KCNMA1: variants seen among roughly 807,000 people sequenced by gnomAD.
KCNMA1 encodes Calcium-activated potassium channel subunit alpha-1.
Under a neutral mutation model 140.0 loss-of-function variants are expected in KCNMA1, and 29 were observed. The observed-to-expected ratio is 0.21, with a 90% CI of 0.15 to 0.28. The LOEUF (loss-of-function observed/expected upper bound fraction) is 0.28. Among genes scored for constraint, KCNMA1 ranks in the 10% least tolerant of loss-of-function variants. The pLI is 1.00. For synonymous variants in KCNMA1, 612 were observed against 611.9 expected (o/e 1.00, Z 0.00); for missense variants, 880 against 1,602.2 (o/e 0.55, Z 7.70).
intron 1 of KCNMA1, among the ~76,000 whole-genome samples, chr10:77,443,427 G>A (rs184341044): frequency 1.1e-3 from 170 of 152,292 alleles, no homozygotes; most frequent in African/African-American, 3.8e-3. Context: ...CTGGGAGTAT[G>A]GCTGGACTAG....
chr10:77,137,816 T>G (rs2098080393), intron 5 of KCNMA1, among the ~76,000 whole-genome samples: 1 of 152,142 alleles, frequency 6.6e-6, no homozygotes. Context: ...GGGTCTTACT[T>G]TGTCACCCAT....
chr10:77,093,508 T>C (rs1456982378), intron 9 of KCNMA1, among the ~76,000 whole-genome samples: 7 of 152,216 alleles, frequency 4.6e-5, no homozygotes, highest in African/African-American at 1.2e-4. Context: ...AATTGATGGA[T>C]GGGGAGAAGC....
At chr10:77,386,511 G>A (rs1175654470) in intron 2 of KCNMA1, among the ~76,000 whole-genome samples, 2 of 152,190 alleles carry the variant, frequency 1.3e-5, no homozygotes, top group East Asian at 1.9e-4. Flanking sequence ...TCCAGTCGTA[G>A]GTTTGCATAA....
chr10:77,415,039 A>C (rs1479688296), intron 1 of KCNMA1, among the ~76,000 whole-genome samples: 1 of 152,182 alleles, frequency 6.6e-6, no homozygotes, highest in Non-Finnish European at 1.5e-5. Flanking sequence ...AAGTAACAAA[A>C]TCCTGTAGTA....
intron 12 of KCNMA1, among the ~76,000 whole-genome samples, chr10:77,084,361 G>C (rs1470210246): frequency 6.6e-6 from 1 of 152,134 alleles, no homozygotes; most frequent in African/African-American, 2.4e-5. Context: ...CTATTTCCTA[G>C]TTCTGTCTCA....
intron 2 of KCNMA1, among the ~76,000 whole-genome samples, chr10:77,390,396 G>C (rs1292972512): frequency 6.6e-6 from 1 of 152,194 alleles, no homozygotes; most frequent in Admixed American, 6.5e-5. Context: ...TGAGTAAACT[G>C]TTTTCTCTCT....
At chr10:76,872,193 G>T (rs2031486196), downstream of KCNMA1, 1 of 152,180 alleles carries the variant, frequency 6.6e-6, no homozygotes, top group Non-Finnish European at 1.5e-5. Flanking sequence ...AATCTACTTT[G>T]TGAGTTTGTT....
intron 2 of KCNMA1, among the ~76,000 whole-genome samples, chr10:77,381,315 G>GA (rs1187389110): frequency 6.6e-6 from 1 of 152,054 alleles, no homozygotes; most frequent in Non-Finnish European, 1.5e-5. Flanking sequence ...GGTTTATAAA[G>GA]AAAAAATGAA....
intron 17 of KCNMA1, among the ~76,000 whole-genome samples, chr10:77,014,418 A>G (rs927063173): frequency 1.3e-5 from 2 of 149,678 alleles, no homozygotes; most frequent in African/African-American, 5.0e-5. Context: ...TGGGCAATAG[A>G]GCAAGACATT....
chr10:77,118,919 A>G (rs778485367), intron 6 of KCNMA1, among the ~76,000 whole-genome samples: 7 of 152,230 alleles, frequency 4.6e-5, no homozygotes, highest in Non-Finnish European at 8.8e-5. Context: ...ACCATAAGTG[A>G]AAGGAACTCT....
At chr10:77,573,925 C>A in intron 1 of KCNMA1, among the ~76,000 whole-genome samples, 1 of 151,654 alleles carries the variant, frequency 6.6e-6, no homozygotes. Context: ...GCAACTTCCG[C>A]CTCCCAGGCT....
At chr10:77,117,151 G>T (rs2153920242) in intron 6 of KCNMA1, among the ~76,000 whole-genome samples, 1 of 152,262 alleles carries the variant, frequency 6.6e-6, no homozygotes, top group African/African-American at 2.4e-5. Context: ...TGACATAGTA[G>T]ATGTAATCAT....
At chr10:77,045,801 C>T (rs1160268313) in intron 14 of KCNMA1, among the ~76,000 whole-genome samples, 1 of 152,162 alleles carries the variant, frequency 6.6e-6, no homozygotes, top group African/African-American at 2.4e-5. Flanking sequence ...GAGTATGTTA[C>T]AGCCATCATG....
chr10:77,234,223 T>C (rs1465338246), intron 3 of KCNMA1, among the ~76,000 whole-genome samples: 1 of 152,226 alleles, frequency 6.6e-6, no homozygotes, highest in Non-Finnish European at 1.5e-5. Context: ...TGTTTTTATA[T>C]TATGCCTTTA....
chr10:77,536,567 A>G (rs972773733), intron 1 of KCNMA1, among the ~76,000 whole-genome samples: 3 of 152,238 alleles, frequency 2.0e-5, no homozygotes, highest in African/African-American at 7.2e-5. Flanking sequence ...AAATAACATT[A>G]GGTACGTTGA....
chr10:77,598,447 G>A (rs1416487551), intron 1 of KCNMA1, among the ~76,000 whole-genome samples: 2 of 152,146 alleles, frequency 1.3e-5, no homozygotes, highest in Non-Finnish European at 2.9e-5. Context: ...GAAATAAGTG[G>A]AAGGGTCCAC....
chr10:77,157,743 C>T (rs1179473294), intron 5 of KCNMA1, among the ~76,000 whole-genome samples: 2 of 152,116 alleles, frequency 1.3e-5, no homozygotes, highest in African/African-American at 4.8e-5. Context: ...CGAGGCGAGC[C>T]CCACAGCAAG....
At chr10:77,616,611 GC>G (rs1202599622) in intron 1 of KCNMA1, among the ~76,000 whole-genome samples, 3 of 152,054 alleles carry the variant, frequency 2.0e-5, no homozygotes, top group African/African-American at 7.2e-5. Flanking sequence ...TTCGAGACCA[GC>G]CTGGCCAACA....
chr10:76,927,079 G>A (rs184684640), intron 23 of KCNMA1, among the ~76,000 whole-genome samples: 78 of 152,174 alleles, frequency 5.1e-4, no homozygotes, highest in African/African-American at 1.7e-3. Flanking sequence ...TCTCAGCTTT[G>A]AGATTTATGT....
Sources: gnomAD v4.1 joint callset for allele counts (sites outside exome capture counted in the v4.1 genomes callset) on GRCh38, gnomAD v4.1.1 for gene constraint, MANE v1.5 for transcripts, NCBI Gene and HGNC (gene_info 2026-07-23, HGNC 2026-07-21) for gene names.